The following SUPT3H variants were observed in gnomAD, a reference collection of about 807,000 sequenced individuals.
SUPT3H encodes the protein SPT3 homolog, SAGA and STAGA complex component.
A neutral mutation model predicts 44.3 loss-of-function variants in SUPT3H; 44 were observed. The observed-to-expected ratio is 0.99, with a 90% CI of 0.78 to 1.28. The LOEUF (loss-of-function observed/expected upper bound fraction) is 1.28, where lower values mean the gene tolerates loss of function less well. Among genes scored for constraint, SUPT3H ranks in the 50% most tolerant of loss-of-function variants. The pLI is 0.00. For missense variants in SUPT3H, 380 were observed against 387.1 expected (o/e 0.98, Z 0.15); for synonymous variants, 124 against 125.6 (o/e 0.99, Z 0.09).
chr6:44,958,676 G>A (rs907690659), intron 7 of SUPT3H, among the ~76,000 whole-genome samples: 1 of 151,716 alleles, frequency 6.6e-6, no homozygotes, highest in Non-Finnish European at 1.5e-5. Context: ...CCAACAACAG[G>A]GGCCAAAAGA....
chr6:45,008,630 T>C (rs1330350747), intron 5 of SUPT3H, among the ~76,000 whole-genome samples: 1 of 152,154 alleles, frequency 6.6e-6, no homozygotes, highest in East Asian at 1.9e-4. Context: ...GCTGGGATTA[T>C]AGATATGAGC....
At chr6:45,221,693 T>A (rs1766089178) in intron 2 of SUPT3H, among the ~76,000 whole-genome samples, 1 of 152,158 alleles carries the variant, frequency 6.6e-6, no homozygotes. Flanking sequence ...CCTATTATAA[T>A]CCCATCAAGG....
At chr6:45,144,838 C>T (rs1370760365) in intron 2 of SUPT3H, among the ~76,000 whole-genome samples, 5 of 151,974 alleles carry the variant, frequency 3.3e-5, no homozygotes, top group South Asian at 2.1e-4. Flanking sequence ...GGATACAAAA[C>T]GAATGTACAC....
At chr6:45,267,250 G>A (rs1438227389) in intron 2 of SUPT3H, among the ~76,000 whole-genome samples, 1 of 152,134 alleles carries the variant, frequency 6.6e-6, no homozygotes, top group Non-Finnish European at 1.5e-5. Context: ...AACGGATTTA[G>A]AGAATACGCA....
intron 3 of SUPT3H, among the ~76,000 whole-genome samples, chr6:45,022,235 G>A (rs1219055678): frequency 3.3e-5 from 5 of 151,894 alleles, no homozygotes; most frequent in African/African-American, 1.2e-4. Flanking sequence ...CATTAAGAAG[G>A]ATCAGGAGAA....
At chr6:45,252,418 C>CA (rs1772531903) in intron 2 of SUPT3H, among the ~76,000 whole-genome samples, 1 of 152,000 alleles carries the variant, frequency 6.6e-6, no homozygotes, top group Non-Finnish European at 1.5e-5. Flanking sequence ...TATGATGAAA[C>CA]AACACAGATT....
At chr6:45,118,149 C>A (rs1190615541) in intron 2 of SUPT3H, among the ~76,000 whole-genome samples, 1 of 151,946 alleles carries the variant, frequency 6.6e-6, no homozygotes, top group Non-Finnish European at 1.5e-5. Flanking sequence ...TATTTATATA[C>A]ACTATTAACA....
chr6:45,211,060 G>A (rs530860750), intron 2 of SUPT3H, among the ~76,000 whole-genome samples: 1 of 152,178 alleles, frequency 6.6e-6, no homozygotes, highest in African/African-American at 2.4e-5. Flanking sequence ...GGGAAAAGGT[G>A]TTTTTTATTA....
At chr6:45,246,083 T>C (rs1771291083) in intron 2 of SUPT3H, among the ~76,000 whole-genome samples, 1 of 152,124 alleles carries the variant, frequency 6.6e-6, no homozygotes, top group South Asian at 2.1e-4. Flanking sequence ...TTGGAGAATG[T>C]TTATTCAACA....
intron 1 of SUPT3H, among the ~76,000 whole-genome samples, chr6:45,372,265 T>G (rs1273095277): frequency 6.6e-6 from 1 of 152,212 alleles, no homozygotes; most frequent in African/African-American, 2.4e-5. Context: ...CTCTTATAGG[T>G]TACATAAAAT....
At chr6:45,186,536 G>A (rs537460047) in intron 2 of SUPT3H, among the ~76,000 whole-genome samples, 1 of 152,278 alleles carries the variant, frequency 6.6e-6, no homozygotes, top group African/African-American at 2.4e-5. Context: ...GAGTGGAGAT[G>A]ACAGACAAAA....
intron 10 of SUPT3H, among the ~76,000 whole-genome samples, chr6:44,844,828 T>A (rs6910294): frequency 0.42 from 63,324 of 152,022 alleles, 13,558 homozygotes; most frequent in East Asian, 0.69. Context: ...ATGGTGGTTT[T>A]ATGGCTATAT....
intron 10 of SUPT3H, among the ~76,000 whole-genome samples, chr6:44,870,871 CAAAGAAAGGG>C (rs1204119297): frequency 6.6e-6 from 1 of 151,730 alleles, no homozygotes; most frequent in African/African-American, 2.4e-5. Context: ...CTTTCCGAGT[CAAAGAAAGGG>C]GTGACGGATG....
Position 44,953,043 on chromosome 6 carries a change from C to T in SUPT3H, c.801+267G>A, listed in dbSNP as rs115869828. 7.7e-3 allele frequency among the ~76,000 whole-genome samples: 1,165 copies of T among 152,176 alleles called. 20 individuals are homozygous for T. The highest frequency in any genetic ancestry group is 0.026 in the African/African-American group (1,098 of 41,528). Reference sequence around the variant, plus strand: ...TCATCTCCCATAAAAATAAGAAATGCCTTGCAACTATCCCTTTCAATGAAG... The same window carrying T: ...TCATCTCCCATAAAAATAAGAAATGTCTTGCAACTATCCCTTTCAATGAAG... On this transcript the variant is annotated intron_variant, in intron 9 of 10. Transcript: ENST00000371459.
intron 10 of SUPT3H, among the ~76,000 whole-genome samples, chr6:44,888,575 C>T (rs571438248): frequency 6.6e-6 from 1 of 152,236 alleles, no homozygotes; most frequent in East Asian, 1.9e-4. Context: ...ACCCTTCATG[C>T]TAAAAACTCT....
intron 2 of SUPT3H, among the ~76,000 whole-genome samples, chr6:45,283,077 T>A (rs4441951): frequency 1.3e-5 from 2 of 152,100 alleles, no homozygotes; most frequent in East Asian, 3.9e-4. Flanking sequence ...AAAGAGCTCC[T>A]GAAGGAAGCA....
intron 6 of SUPT3H, among the ~76,000 whole-genome samples, chr6:44,981,891 A>G (rs1174525098): frequency 6.6e-6 from 1 of 151,284 alleles, no homozygotes; most frequent in East Asian, 1.9e-4. Flanking sequence ...AAAAAGCAAA[A>G]CTAGCTAGGG....
In SUPT3H at chr6:45,240,885, C is replaced by T. The variant is rs532329281; in HGVS notation, c.101+124316G>A. Among the ~76,000 whole-genome samples, 13 of 152,284 alleles carry T rather than the reference C, an allele frequency of 8.5e-5. No homozygotes were observed. In the East Asian group the frequency reaches 1.5e-3, roughly 18 times the overall value. ...GAATAAAAAAACATCTAGAAGGACA[C>T]TCTACAAACTTGTCTTTGGATATTG... is the stretch of plus-strand genomic sequence containing the variant. On this transcript the variant is annotated intron_variant, in intron 2 of 10. Coordinates refer to ENST00000371459, the MANE Select transcript of SUPT3H (RefSeq NM_003599.4).
intron 10 of SUPT3H, among the ~76,000 whole-genome samples, chr6:44,855,744 C>A (rs1773620636): frequency 1.3e-5 from 2 of 151,896 alleles, no homozygotes; most frequent in South Asian, 4.2e-4. Flanking sequence ...CCCACCCCAC[C>A]ACCCTGACAA....
Sources: gnomAD v4.1 joint callset for allele counts (sites outside exome capture counted in the v4.1 genomes callset) on GRCh38, gnomAD v4.1.1 for gene constraint, MANE v1.5 for transcripts, NCBI Gene and HGNC (gene_info 2026-07-23, HGNC 2026-07-21) for gene names.